HCRTR2: variants seen among roughly 807,000 people sequenced by gnomAD.
HCRTR2 encodes hypocretin receptor 2, also known as orexin receptor type 2.
HCRTR2 carries 22 observed loss-of-function variants against 49.0 expected under a neutral mutation model. The observed-to-expected ratio is 0.45, with a 90% CI of 0.32 to 0.64. The LOEUF is 0.64. Among genes scored for constraint, HCRTR2 ranks in the 30% least tolerant of loss-of-function variants. The pLI, the probability that HCRTR2 is intolerant of heterozygous loss-of-function variation, is 0.04. For missense variants in HCRTR2, 491 were observed against 559.4 expected (o/e 0.88, Z 1.23); for synonymous variants, 236 against 205.3 (o/e 1.15, Z -1.28).
chr6:55,160,268 T>G (rs1764787765), intron 1 of HCRTR2, among the ~76,000 whole-genome samples: 1 of 152,120 alleles, frequency 6.6e-6, no homozygotes. Flanking sequence ...ATAAAATCCT[T>G]TACAGACAAG....
rs555494546 is a variant in HCRTR2, at chr6:55,239,518, ACT to A, written c.224-9118_224-9117del. Among the ~76,000 whole-genome samples the A allele has an allele frequency of 7.9e-4, 120 of 152,256 alleles. 1 individual carries two copies. The highest frequency in any genetic ancestry group is 2.7e-3 in the African/African-American group (114 of 41,538). On this transcript the variant is annotated intron_variant, in intron 1 of 6. Coordinates refer to ENST00000370862, the MANE Select transcript of HCRTR2 (RefSeq NM_001384272.1). Reference sequence around the variant, plus strand: ...CCTGCACATTTGTGTGTGTGAAGATACTCTTTCTAAATCCCTTTCAAGACAAA... The same window carrying A: ...CCTGCACATTTGTGTGTGTGAAGATACTTTCTAAATCCCTTTCAAGACAAA...
intron 1 of HCRTR2, among the ~76,000 whole-genome samples, chr6:55,193,994 T>C (rs533859858): frequency 2.0e-5 from 3 of 152,298 alleles, no homozygotes; most frequent in African/African-American, 7.2e-5. Context: ...TTTTTTTCTC[T>C]AACAGACTTA....
intron 1 of HCRTR2, among the ~76,000 whole-genome samples, chr6:55,209,148 G>T (rs541664745): frequency 6.6e-6 from 1 of 152,098 alleles, no homozygotes; most frequent in African/African-American, 2.4e-5. Context: ...AAACAATTAC[G>T]TTCTACTGTA....
At chr6:55,247,309 C>T (rs867390048) in intron 1 of HCRTR2, among the ~76,000 whole-genome samples, 2 of 152,052 alleles carry the variant, frequency 1.3e-5, no homozygotes, top group Non-Finnish European at 2.9e-5. Context: ...AAAATTAAAT[C>T]CTCTGAAATC....
intron 1 of HCRTR2, among the ~76,000 whole-genome samples, chr6:55,192,684 A>T: frequency 6.6e-6 from 1 of 152,226 alleles, no homozygotes; most frequent in East Asian, 1.9e-4. Context: ...GTATTGATTG[A>T]TAAAACATTT....
Position 55,189,514 on chromosome 6 carries a change from G to A in HCRTR2, c.223+14704G>A, listed in dbSNP as rs549861466. Reference sequence around the variant, plus strand: ...ATTTTCTGCCAAAGAAAGTACAGTGGCTCTCCTCAGCAAACTAACATGGGA... The same window carrying A: ...ATTTTCTGCCAAAGAAAGTACAGTGACTCTCCTCAGCAAACTAACATGGGA... On this transcript the variant is annotated intron_variant, in intron 1 of 6. Transcript: ENST00000370862. Among the ~76,000 whole-genome samples, 93 of 152,240 alleles carry A rather than the reference G, an allele frequency of 6.1e-4. 1 individual carries two copies. The highest frequency in any genetic ancestry group is 2.1e-3 in the African/African-American group (89 of 41,562).
chr6:55,169,951 A>C (rs943672889), upstream of HCRTR2, among the ~76,000 whole-genome samples: 2 of 152,136 alleles, frequency 1.3e-5, no homozygotes, highest in Admixed American at 1.3e-4. Flanking sequence ...ATAGAAAGTT[A>C]CACCTGCAAA....
chr6:55,164,231 C>T (rs563075199), intron 1 of HCRTR2, among the ~76,000 whole-genome samples: 1 of 152,154 alleles, frequency 6.6e-6, no homozygotes, highest in Admixed American at 6.5e-5. Context: ...CCTCAAGGAT[C>T]TAGAACCAGA....
rs924374435 is a variant in HCRTR2 at position 55,216,131 on chromosome 6, T to A, written c.224-32508T>A. ...ATTAGCCCATTAATCCATTAATTCA[T>A]GAATAGATTAATACATCCATGTGGG... On this transcript the variant is annotated intron_variant, in intron 1 of 6. Coordinates refer to ENST00000370862, the MANE Select transcript of HCRTR2 (RefSeq NM_001384272.1). Among the ~76,000 whole-genome samples the A allele has an allele frequency of 2.0e-5, 3 of 152,240 alleles. No homozygotes were observed. In the South Asian group the frequency reaches 6.2e-4, roughly 31 times the overall value.
intron 1 of HCRTR2, among the ~76,000 whole-genome samples, chr6:55,178,643 C>T (rs976843705): frequency 6.6e-6 from 1 of 152,152 alleles, no homozygotes; most frequent in Admixed American, 6.6e-5. Context: ...ATCTCTGTAG[C>T]TCTTTATGGC....
At chr6:55,194,071 T>C (rs936065528) in intron 1 of HCRTR2, among the ~76,000 whole-genome samples, 1 of 152,114 alleles carries the variant, frequency 6.6e-6, no homozygotes, top group African/African-American at 2.4e-5. Flanking sequence ...TGATCATAGA[T>C]AGTTGAGCTA....
At chr6:55,170,395 C>A (rs1324994389), upstream of HCRTR2, among the ~76,000 whole-genome samples, 1 of 150,554 alleles carries the variant, frequency 6.6e-6, no homozygotes, top group Non-Finnish European at 1.5e-5. Context: ...GTGTAATGGT[C>A]AAGCCAGAAT....
chr6:55,159,552 C>T (rs948447658), intron 1 of HCRTR2, among the ~76,000 whole-genome samples: 2 of 152,158 alleles, frequency 1.3e-5, no homozygotes, highest in Admixed American at 1.3e-4. Flanking sequence ...GCTAAAGGAG[C>T]ATGTTCTAAC....
intron 1 of HCRTR2, among the ~76,000 whole-genome samples, chr6:55,113,077 T>C (rs1174461098): frequency 6.6e-6 from 1 of 152,104 alleles, no homozygotes; most frequent in Non-Finnish European, 1.5e-5. Flanking sequence ...GCAAGCCACA[T>C]GTAGAAGAAT....
intron 1 of HCRTR2, among the ~76,000 whole-genome samples, chr6:55,138,647 C>T (rs1023892257): frequency 3.3e-5 from 5 of 152,092 alleles, no homozygotes; most frequent in African/African-American, 4.8e-5. Context: ...TTATTTAGAG[C>T]CAGAATTTTT....
chr6:55,150,230 TAAA>T (rs1228023329), intron 1 of HCRTR2, among the ~76,000 whole-genome samples: 3 of 151,950 alleles, frequency 2.0e-5, no homozygotes, highest in Non-Finnish European at 4.4e-5. Context: ...TGAAGATTAG[TAAA>T]CACCCAGGAA....
intron 1 of HCRTR2, among the ~76,000 whole-genome samples, chr6:55,186,327 TA>T (rs1765215694): frequency 6.6e-6 from 1 of 152,182 alleles, no homozygotes; most frequent in South Asian, 2.1e-4. Context: ...ATATTTAAAA[TA>T]AAGCTTCAAT....
At chr6:55,189,286 T>A (rs1363549286) in intron 1 of HCRTR2, among the ~76,000 whole-genome samples, 3 of 152,156 alleles carry the variant, frequency 2.0e-5, no homozygotes, top group Non-Finnish European at 4.4e-5. Context: ...GGATTAAAGT[T>A]ATGAGATACC....
At chr6:55,280,567 T>C (rs1767170936) in intron 6 of HCRTR2, 123 bp downstream of exon 6, 2 of 1,332,510 alleles carry the variant, frequency 1.5e-6, no homozygotes, top group South Asian at 2.5e-5. Context: ...CCTGACCTGA[T>C]TTATCTTGAG....
Sources: gnomAD v4.1 joint callset for allele counts (sites outside exome capture counted in the v4.1 genomes callset) on GRCh38, gnomAD v4.1.1 for gene constraint, MANE v1.5 for transcripts, NCBI Gene and HGNC (gene_info 2026-07-23, HGNC 2026-07-21) for gene names.